The following ANAPC5 variants were observed in gnomAD, a reference collection of about 807,000 sequenced individuals.
ANAPC5 encodes anaphase-promoting complex subunit 5.
Under a neutral mutation model 91.3 loss-of-function variants are expected in ANAPC5, and 60 were observed. The ratio of observed to expected loss-of-function variants is 0.66; its 90% CI spans 0.53 to 0.81. ANAPC5 has a LOEUF of 0.81. Ranked by LOEUF, ANAPC5 falls within the 40% of genes least tolerant of loss-of-function variation. The pLI, the probability that ANAPC5 is intolerant of heterozygous loss-of-function variation, is 0.00. For synonymous variants in ANAPC5, 340 were observed against 364.1 expected (o/e 0.93, Z 0.75); for missense variants, 690 against 931.5 (o/e 0.74, Z 3.37).
chr12:121,340,254 G>A (rs1555273966), intron 5 of ANAPC5, among the ~76,000 whole-genome samples: 1 of 146,586 alleles, frequency 6.8e-6, no homozygotes, highest in African/African-American at 2.5e-5. Flanking sequence ...GGAGGCAGAG[G>A]TTGCAGTGAG....
Position 121,335,597 on chromosome 12 carries a change from A to G in ANAPC5, c.886T>C (p.Tyr296His). 1 of 1,613,990 alleles carries G rather than the reference A, an allele frequency of 6.2e-7. No homozygotes were observed. Among genetic ancestry groups the G allele is most frequent in the Non-Finnish European group, 8.5e-7 (1 of 1,179,848 alleles). Reference sequence around the variant, plus strand: ...GCGGCGTATCTCAAGCTCCGGCCATAGCCCTCTTCCCCATTACTTTTGCTT... The same window carrying G: ...GCGGCGTATCTCAAGCTCCGGCCATGGCCCTCTTCCCCATTACTTTTGCTT... ...AESKSNGEEG[Y>H]GRSLRYAALN... The change falls in exon 7 of 17, where the codon TAT (tyrosine) becomes CAT (histidine). Residue 296 changes from tyrosine (Y) to histidine (H), a missense_variant. Transcript: ENST00000261819.
chr12:121,343,810 T>C (rs1271715753), intron 4 of ANAPC5, among the ~76,000 whole-genome samples: 8 of 152,198 alleles, frequency 5.3e-5, no homozygotes, highest in African/African-American at 1.9e-4. Context: ...TAAGGTCCCT[T>C]GACCACCTCC....
intron 16 of ANAPC5, among the ~76,000 whole-genome samples, 195 bp downstream of exon 16, chr12:121,309,506 T>C (rs1050274817): frequency 1.3e-5 from 2 of 152,170 alleles, no homozygotes; most frequent in African/African-American, 4.8e-5. Context: ...AAAATAGCCA[T>C]TCACTTGTCC....
chr12:121,341,140 G>A (rs898115937), intron 5 of ANAPC5, among the ~76,000 whole-genome samples: 6 of 151,908 alleles, frequency 3.9e-5, no homozygotes, highest in Admixed American at 3.9e-4. Flanking sequence ...TCCAGCCTCA[G>A]TGACAGAGTG....
chr12:121,331,293 T>C, intron 8 of ANAPC5, 54 bp downstream of exon 8: 1 of 1,470,576 alleles, frequency 6.8e-7, no homozygotes, highest in East Asian at 2.3e-5. Context: ...CGGGGCCTTG[T>C]GAAGGCCAAT....
At chr12:121,316,748 AAAAAAAAAAG>A (rs1902383586) in intron 15 of ANAPC5, among the ~76,000 whole-genome samples, 1 of 150,960 alleles carries the variant, frequency 6.6e-6, no homozygotes, top group South Asian at 2.1e-4. Flanking sequence ...AAAAAAAAAA[AAAAAAAAAAG>A]AAAACAGGTG....
intron 15 of ANAPC5, 40 bp downstream of exon 15, chr12:121,318,237 T>G (rs1215788019): frequency 2.0e-6 from 3 of 1,483,126 alleles, no homozygotes; most frequent in Admixed American, 2.5e-5. Context: ...CACCAGCTCT[T>G]GAGCACAAAT....
At chr12:121,335,391 C>G in intron 7 of ANAPC5, 142 bp downstream of exon 7, 2 of 849,872 alleles carry the variant, frequency 2.4e-6, no homozygotes, top group Non-Finnish European at 1.7e-6. Flanking sequence ...GTCTTGAACT[C>G]CTGACCTCAC....
intron 16 of ANAPC5, 132 bp from the exon 17 acceptor site, chr12:121,308,823 G>GA (rs1290266248): frequency 3.8e-6 from 3 of 798,516 alleles, no homozygotes; most frequent in Non-Finnish European, 6.0e-6. Flanking sequence ...CTTTGAGAGA[G>GA]AAAAAACAAA....
intron 11 of ANAPC5, among the ~76,000 whole-genome samples, chr12:121,322,292 G>A (rs1490576649): frequency 6.6e-6 from 1 of 151,734 alleles, no homozygotes; most frequent in African/African-American, 2.4e-5. Context: ...CCAAGTAGCT[G>A]GGATTACAGG....
At chr12:121,317,215 C>G (rs1000934482) in intron 15 of ANAPC5, among the ~76,000 whole-genome samples, 1 of 150,686 alleles carries the variant, frequency 6.6e-6, no homozygotes, top group Non-Finnish European at 1.5e-5. Context: ...GAAATGTACA[C>G]TTTAAAATGG....
intron 9 of ANAPC5, among the ~76,000 whole-genome samples, chr12:121,330,176 A>T (rs1902989111): frequency 6.6e-6 from 1 of 152,174 alleles, no homozygotes; most frequent in African/African-American, 2.4e-5. Flanking sequence ...ATCACTTAAA[A>T]ATGTAAAATC....
At chr12:121,313,375 C>G (rs1263962247) in intron 15 of ANAPC5, among the ~76,000 whole-genome samples, 3 of 151,864 alleles carry the variant, frequency 2.0e-5, no homozygotes, top group Non-Finnish European at 4.4e-5. Flanking sequence ...AGACCTAAAG[C>G]TAACTAACAG....
At chr12:121,337,509 G>A (rs1234711899) in intron 5 of ANAPC5, 117 bp from the exon 6 acceptor site, 3 of 724,776 alleles carry the variant, frequency 4.1e-6, no homozygotes, top group Non-Finnish European at 6.6e-6. Context: ...TCAGGCTCTG[G>A]CCCCTCATCT....
At chr12:121,323,718 C>CGTCT (rs1566184513) in intron 11 of ANAPC5, among the ~76,000 whole-genome samples, 1 of 152,098 alleles carries the variant, frequency 6.6e-6, no homozygotes, top group Non-Finnish European at 1.5e-5. Flanking sequence ...TCTACATAGA[C>CGTCT]GCTCAGGCCA....
intron 5 of ANAPC5, among the ~76,000 whole-genome samples, chr12:121,338,244 A>AT (rs1228382748): frequency 1.3e-5 from 2 of 151,948 alleles, no homozygotes; most frequent in East Asian, 3.8e-4. Context: ...TTTAAAAAAA[A>AT]TTTTTTTAAA....
At chr12:121,330,040 T>C (rs1902980243) in intron 9 of ANAPC5, among the ~76,000 whole-genome samples, 2 of 152,240 alleles carry the variant, frequency 1.3e-5, no homozygotes, top group African/African-American at 2.4e-5. Flanking sequence ...GCTTTGTTTA[T>C]TGTTTAAAAC....
At chr12:121,318,460 C>A in intron 14 of ANAPC5, 36 bp from the exon 15 acceptor site, 1 of 1,611,232 alleles carries the variant, frequency 6.2e-7, no homozygotes, top group South Asian at 1.1e-5. Context: ...ATGAGAAGAT[C>A]CACCACCACA....
At chr12:121,336,536 G>A (rs1365900058) in intron 6 of ANAPC5, among the ~76,000 whole-genome samples, 1 of 152,040 alleles carries the variant, frequency 6.6e-6, no homozygotes, top group Non-Finnish European at 1.5e-5. Flanking sequence ...AAAATTAGCT[G>A]AGCATTGTGG....
Sources: allele counts gnomAD v4.1 joint callset (sites outside exome capture counted in the v4.1 genomes callset), GRCh38; gene constraint gnomAD v4.1.1; transcripts MANE v1.5; gene names NCBI Gene and HGNC (gene_info 2026-07-23, HGNC 2026-07-21).